Variants in TENM4 observed in about 807,000 individuals in gnomAD.
The protein encoded by TENM4 is teneurin transmembrane protein 4.
In TENM4, 82 loss-of-function variants were observed where a neutral mutation model predicts 243.3. That is an observed-to-expected ratio of 0.34 (90% CI 0.28 to 0.40). The LOEUF (loss-of-function observed/expected upper bound fraction) is 0.40, where lower values mean the gene tolerates loss of function less well. Among genes scored for constraint, TENM4 ranks in the 10% least tolerant of loss-of-function variants. The pLI, the probability that TENM4 is intolerant of heterozygous loss-of-function variation, is 1.00. For synonymous variants in TENM4, 1,412 were observed against 1,456.3 expected, an observed-to-expected ratio of 0.97 and a Z score of 0.69; for missense variants, 3,138 against 3,673.3, an observed-to-expected ratio of 0.85 and a Z score of 3.77.
At chr11:79,099,439 G>T (rs560188586) in intron 4 of TENM4, among the ~76,000 whole-genome samples, 1 of 152,098 alleles carries the variant, frequency 6.6e-6, no homozygotes, top group East Asian at 1.9e-4. Flanking sequence ...CTGTGGTCCT[G>T]AACTAGTCAT....
chr11:79,427,596 A>T (rs1305330032), intron 1 of TENM4, among the ~76,000 whole-genome samples: 1 of 152,180 alleles, frequency 6.6e-6, no homozygotes, highest in African/African-American at 2.4e-5. Context: ...GTTAGGAGAA[A>T]CTACCTCTCC....
At chr11:78,662,919 C>T (rs1236541362) in intron 32 of TENM4, among the ~76,000 whole-genome samples, 1 of 152,134 alleles carries the variant, frequency 6.6e-6, no homozygotes, top group East Asian at 1.9e-4. Context: ...TTTTCTCAGG[C>T]ACTGGTAGAG....
chr11:79,204,813 C>G (rs920521186), intron 3 of TENM4, among the ~76,000 whole-genome samples: 2 of 152,140 alleles, frequency 1.3e-5, no homozygotes, highest in Admixed American at 6.5e-5. Context: ...ACGGCTCGTG[C>G]TGGATGACTG....
intron 4 of TENM4, among the ~76,000 whole-genome samples, chr11:79,105,912 CT>C (rs1457971167): frequency 5.8e-5 from 1 of 17,336 alleles, no homozygotes; most frequent in Non-Finnish European, 1.2e-4. Context: ...AAAGGCTTAC[CT>C]AAGTAAAACA....
At chr11:78,729,299 G>C (rs1855595742) in intron 22 of TENM4, 77 bp downstream of exon 22, 1 of 1,436,274 alleles carries the variant, frequency 7.0e-7, no homozygotes, top group Non-Finnish European at 9.3e-7. Context: ...GAGGAAGGAA[G>C]GAAGAAGGAA....
intron 1 of TENM4, among the ~76,000 whole-genome samples, chr11:79,327,149 T>A (rs1173596775): frequency 6.6e-6 from 1 of 152,326 alleles, no homozygotes; most frequent in Non-Finnish European, 1.5e-5. Context: ...TGAGGTTATA[T>A]AAGTCAGCCA....
At chr11:79,406,189 T>A (rs1311257219) in intron 1 of TENM4, among the ~76,000 whole-genome samples, 2 of 152,170 alleles carry the variant, frequency 1.3e-5, no homozygotes, top group African/African-American at 4.8e-5. Flanking sequence ...GCTCCTTCCA[T>A]CTTTTGGATT....
At chr11:79,108,373 C>T (rs540134618) in intron 4 of TENM4, among the ~76,000 whole-genome samples, 13 of 152,272 alleles carry the variant, frequency 8.5e-5, no homozygotes, top group African/African-American at 2.4e-4. Context: ...CATCAACTCC[C>T]GCCTGAATTT....
chr11:78,808,228 A>C (rs1169371011), intron 14 of TENM4, among the ~76,000 whole-genome samples: 1 of 152,236 alleles, frequency 6.6e-6, no homozygotes, highest in African/African-American at 2.4e-5. Flanking sequence ...TATTTTGAGA[A>C]CTAGCTTATT....
At chr11:79,245,862 C>T (rs146838887) in intron 2 of TENM4, among the ~76,000 whole-genome samples, 10 of 146,850 alleles carry the variant, frequency 6.8e-5, no homozygotes, top group African/African-American at 2.6e-4. Context: ...ATTGCTTGAA[C>T]CAGGGAAGCG....
At chr11:78,668,737 A>G (rs1858227234) in intron 32 of TENM4, among the ~76,000 whole-genome samples, 200 bp downstream of exon 32, 1 of 152,166 alleles carries the variant, frequency 6.6e-6, no homozygotes, top group South Asian at 2.1e-4. Flanking sequence ...GACCCTGACA[A>G]ATTTATTTGA....
chr11:79,183,571 G>A (rs937502356), intron 3 of TENM4, among the ~76,000 whole-genome samples: 1 of 152,196 alleles, frequency 6.6e-6, no homozygotes, highest in Non-Finnish European at 1.5e-5. Context: ...ATGTGTCAAT[G>A]TAGGTTCATC....
At chr11:78,855,891 GCT>G (rs1227540835) in intron 11 of TENM4, 71 bp downstream of exon 11, 1 of 1,407,380 alleles carries the variant, frequency 7.1e-7, no homozygotes, top group African/African-American at 1.4e-5. Context: ...TCTGGATTGG[GCT>G]TCTTAACTTT....
intron 25 of TENM4, among the ~76,000 whole-genome samples, chr11:78,714,651 G>C (rs1232883149): frequency 6.6e-6 from 1 of 152,040 alleles, no homozygotes; most frequent in Non-Finnish European, 1.5e-5. Context: ...ACAAATCCCA[G>C]CTTTCTGCTG....
At chr11:78,783,969 GCCAT>G (rs1295318124) in intron 16 of TENM4, among the ~76,000 whole-genome samples, 14 of 152,192 alleles carry the variant, frequency 9.2e-5, no homozygotes, top group Admixed American at 9.2e-4. Context: ...AGGTCATCAA[GCCAT>G]TCCTTCCTGT....
At chr11:79,009,532 G>T (rs1316157748) in intron 6 of TENM4, among the ~76,000 whole-genome samples, 1 of 152,146 alleles carries the variant, frequency 6.6e-6, no homozygotes, top group Non-Finnish European at 1.5e-5. Context: ...GAGGGGTTTG[G>T]CCCAACACCT....
At chr11:78,797,538 A>G (rs1857185030) in intron 15 of TENM4, among the ~76,000 whole-genome samples, 1 of 152,228 alleles carries the variant, frequency 6.6e-6, no homozygotes, top group South Asian at 2.1e-4. Flanking sequence ...GGGAAATTCT[A>G]CTAAATTACA....
At chr11:78,696,745 G>T (rs1249660626) in intron 28 of TENM4, among the ~76,000 whole-genome samples, 3 of 152,156 alleles carry the variant, frequency 2.0e-5, no homozygotes, top group African/African-American at 7.2e-5. Flanking sequence ...CCATGTTCCT[G>T]CCGTTCTCTA....
chr11:78,811,280 T>C (rs779876821), intron 14 of TENM4, among the ~76,000 whole-genome samples: 1 of 152,058 alleles, frequency 6.6e-6, no homozygotes, highest in Non-Finnish European at 1.5e-5. Context: ...GGAAACACCA[T>C]GCAGTCAAGA....
Sources: gnomAD v4.1 joint callset for allele counts (sites outside exome capture counted in the v4.1 genomes callset) on GRCh38, gnomAD v4.1.1 for gene constraint, MANE v1.5 for transcripts, NCBI Gene and HGNC (gene_info 2026-07-23, HGNC 2026-07-21) for gene names.